The following NBEA variants were observed in gnomAD, a reference collection of about 807,000 sequenced individuals.
The protein encoded by NBEA is neurobeachin, also known as lysosomal-trafficking regulator 2.
NBEA carries 44 observed loss-of-function variants against 343.4 expected under a neutral mutation model. The ratio of observed to expected loss-of-function variants is 0.13; its 90% CI spans 0.10 to 0.16. NBEA has a LOEUF of 0.16. NBEA is among the 10% of genes least tolerant of loss of function. NBEA has a pLI of 1.00. For missense variants in NBEA, 2,555 were observed against 3,631.3 expected (o/e 0.70, Z 7.62); for synonymous variants, 1,175 against 1,238.7 (o/e 0.95, Z 1.08).
chr13:35,343,861 A>G (rs1007371985), intron 36 of NBEA, among the ~76,000 whole-genome samples: 9 of 152,104 alleles, frequency 5.9e-5, no homozygotes, highest in African/African-American at 2.2e-4. Context: ...GAGTTGTATA[A>G]TTATTTCATT....
chr13:34,972,496 A>G (rs909652525), intron 1 of NBEA, among the ~76,000 whole-genome samples: 1 of 152,190 alleles, frequency 6.6e-6, no homozygotes, highest in African/African-American at 2.4e-5. Context: ...ACACTGCCTT[A>G]GCTATGTCCC....
chr13:35,445,782 T>TTATATATATATATA (rs71081255), intron 39 of NBEA, among the ~76,000 whole-genome samples: 108 of 113,200 alleles, frequency 9.5e-4, no homozygotes, highest in East Asian at 3.4e-3. Context: ...ATATAAATGT[T>TTATATATATATATA]TATATATATA....
At chr13:35,151,417 C>T (rs962558185) in intron 18 of NBEA, among the ~76,000 whole-genome samples, 6 of 151,616 alleles carry the variant, frequency 4.0e-5, no homozygotes, top group African/African-American at 1.2e-4. Context: ...GTGGCGCATG[C>T]CTGTAATTAC....
intron 37 of NBEA, among the ~76,000 whole-genome samples, chr13:35,350,656 T>G (rs1263267826): frequency 6.6e-6 from 1 of 151,872 alleles, no homozygotes; most frequent in Non-Finnish European, 1.5e-5. Context: ...ATTGCCAGTG[T>G]TATTTGATGA....
chr13:35,530,991 C>G (rs549574136), intron 41 of NBEA, among the ~76,000 whole-genome samples: 2 of 152,130 alleles, frequency 1.3e-5, no homozygotes, highest in African/African-American at 4.8e-5. Context: ...AGAGAAATTA[C>G]GGAAGACTGT....
At chr13:35,123,720 T>C (rs2066921213) in intron 17 of NBEA, 146 bp downstream of exon 17, 3 of 399,114 alleles carry the variant, frequency 7.5e-6, no homozygotes, top group Non-Finnish European at 1.3e-5. Flanking sequence ...ATTGTAAAAA[T>C]GTTTTATAAA....
chr13:35,627,938 G>T (rs1593408580), intron 48 of NBEA, 143 bp from the exon 49 acceptor site: 1 of 560,874 alleles, frequency 1.8e-6, no homozygotes, highest in East Asian at 3.2e-5. Context: ...AGGAACTGAA[G>T]ATCTGATACA....
Position 35,309,722 on chromosome 13 carries a change from G to T in NBEA, c.5903+130G>T, listed in dbSNP as rs1375357716. 1.1e-5 allele frequency: 6 copies of T among 562,836 alleles called. No individual in the cohort carries two copies. In the Middle Eastern group the frequency reaches 1.2e-3, roughly 111 times the overall value. The allele number at this position is 562,836 out of a possible 1,614,324, so 34.9% of individuals were successfully genotyped here. ...TTTAGTTAAATAATTTATCACACAG[G>T]TACTTAATTAATCTTTAACAAAGTT... On this transcript the variant is annotated intron_variant, in intron 36 of 58. Coordinates refer to ENST00000379939, the MANE Select transcript of NBEA (RefSeq NM_001385012.1).
chr13:35,048,695 T>C lies in NBEA; in HGVS notation c.845+11T>C, dbSNP rs778092999. ...ACCTTATCTTTATTGGTAAGTAATA[T>C]GTTTAATTTTAGTACTTTTTTCTTT... On this transcript the variant is annotated intron_variant, in intron 5 of 58. Coordinates refer to ENST00000379939, the MANE Select transcript of NBEA (RefSeq NM_001385012.1). 4.8e-6 allele frequency: 6 copies of C among 1,256,796 alleles called. No homozygotes were observed. Among genetic ancestry groups the C allele is most frequent in the Non-Finnish European group, 5.6e-6 (5 of 894,632 alleles). The allele number at this position is 1,256,796 out of a possible 1,614,324, so 77.9% of individuals were successfully genotyped here. A position where few individuals can be genotyped will look rare whatever the true frequency, so the allele number is the denominator to read the frequency against.
intron 49 of NBEA, among the ~76,000 whole-genome samples, chr13:35,634,235 C>T (rs565430411): frequency 7.2e-4 from 110 of 152,058 alleles, no homozygotes; most frequent in African/African-American, 2.3e-3. Flanking sequence ...CCCAGCTACT[C>T]GGGAGGCTGA....
At chr13:35,480,312 G>A (rs953676364) in intron 41 of NBEA, among the ~76,000 whole-genome samples, 9 of 151,926 alleles carry the variant, frequency 5.9e-5, no homozygotes, top group African/African-American at 2.2e-4. Flanking sequence ...GAAAAACCCT[G>A]TTATGTTGAG....
At chr13:35,275,587 AT>A in intron 34 of NBEA, among the ~76,000 whole-genome samples, 1 of 152,270 alleles carries the variant, frequency 6.6e-6, no homozygotes, top group East Asian at 1.9e-4. Flanking sequence ...ATGGGAGAAA[AT>A]TTTTGCAATC....
intron 36 of NBEA, among the ~76,000 whole-genome samples, chr13:35,311,206 G>A (rs1002137258): frequency 6.6e-5 from 10 of 152,004 alleles, no homozygotes; most frequent in Admixed American, 5.9e-4. Flanking sequence ...CCGTTTTCAG[G>A]TGATGAATAA....
intron 30 of NBEA, among the ~76,000 whole-genome samples, chr13:35,191,449 T>A (rs2072187520): frequency 6.6e-6 from 1 of 152,096 alleles, no homozygotes; most frequent in Non-Finnish European, 1.5e-5. Flanking sequence ...TTCCTGAAGT[T>A]GTATTCTTTT....
rs1006630581 is a variant in NBEA at position 34,985,154 on chromosome 13, A to G, written c.294+42040A>G. On this transcript the variant is annotated intron_variant, in intron 1 of 58. Coordinates refer to ENST00000379939, the MANE Select transcript of NBEA (RefSeq NM_001385012.1). ...GAATGCTTCAAGTTTTTGCCCATTCAGTATGATATTGGCTGTGTGTTTGTC... is the reference window on the plus strand; with the variant it reads ...GAATGCTTCAAGTTTTTGCCCATTCGGTATGATATTGGCTGTGTGTTTGTC... Among the ~76,000 whole-genome samples the G allele has an allele frequency of 2.0e-5, 3 of 151,122 alleles. 1 individual carries two copies. The highest frequency in any genetic ancestry group is 4.4e-5 in the Non-Finnish European group (3 of 67,492).
chr13:35,320,251 A>G (rs1356788293), intron 36 of NBEA, among the ~76,000 whole-genome samples: 3 of 151,882 alleles, frequency 2.0e-5, no homozygotes, highest in African/African-American at 7.3e-5. Flanking sequence ...TCTTTTCCAT[A>G]TTTACTGTTT....
chr13:35,232,725 G>T (rs114146564), intron 34 of NBEA, 106 bp downstream of exon 34: 31,446 of 839,330 alleles, frequency 0.037, 712 homozygotes, highest in Non-Finnish European at 0.043. Context: ...GAATGTAAAG[G>T]CATTACTTCA....
At chr13:35,162,923 A>G (rs1016475348) in intron 23 of NBEA, among the ~76,000 whole-genome samples, 8 of 152,158 alleles carry the variant, frequency 5.3e-5, no homozygotes, top group African/African-American at 1.2e-4. Flanking sequence ...TATTTGATCA[A>G]TTTGTTCTTA....
intron 38 of NBEA, among the ~76,000 whole-genome samples, chr13:35,402,311 T>C (rs531554596): frequency 2.0e-5 from 3 of 152,152 alleles, no homozygotes; most frequent in Non-Finnish European, 4.4e-5. Context: ...ATATCAATTT[T>C]AAATAAGTAC....
Sources: gnomAD v4.1 joint callset for allele counts (sites outside exome capture counted in the v4.1 genomes callset) on GRCh38, gnomAD v4.1.1 for gene constraint, MANE v1.5 for transcripts, NCBI Gene and HGNC (gene_info 2026-07-23, HGNC 2026-07-21) for gene names.